The following GABRB1 variants were observed in gnomAD, a reference collection of about 807,000 sequenced individuals.
GABRB1 encodes gamma-aminobutyric acid type A receptor subunit beta1.
Under a neutral mutation model 51.6 loss-of-function variants are expected in GABRB1, and 17 were observed. The ratio of observed to expected loss-of-function variants is 0.33; its 90% CI spans 0.23 to 0.49. The LOEUF (loss-of-function observed/expected upper bound fraction) is 0.49, where lower values mean the gene tolerates loss of function less well. GABRB1 is among the 20% of genes least tolerant of loss of function. GABRB1 has a pLI of 0.99. For missense variants in GABRB1, 410 were observed against 600.6 expected, an observed-to-expected ratio of 0.68 and a Z score of 3.32; for synonymous variants, 247 against 218.9, an observed-to-expected ratio of 1.13 and a Z score of -1.14.
intron 4 of GABRB1, among the ~76,000 whole-genome samples, chr4:47,313,857 T>C (rs961780682): frequency 3.9e-5 from 6 of 152,082 alleles, no homozygotes; most frequent in African/African-American, 1.4e-4. Context: ...TATTTGTATT[T>C]GTGTATTAGT....
At chr4:47,347,866 G>A (rs1015016107) in intron 5 of GABRB1, among the ~76,000 whole-genome samples, 2 of 152,080 alleles carry the variant, frequency 1.3e-5, no homozygotes, top group African/African-American at 4.8e-5. Context: ...CAGACAACAG[G>A]GTAAAAATGT....
intron 4 of GABRB1, among the ~76,000 whole-genome samples, chr4:47,289,067 T>A (rs1365202687): frequency 6.6e-6 from 1 of 152,166 alleles, no homozygotes; most frequent in Non-Finnish European, 1.5e-5. Flanking sequence ...GTTTGTTTTT[T>A]GCTTCTGAGC....
At chr4:47,079,874 G>A (rs1413403225) in intron 3 of GABRB1, among the ~76,000 whole-genome samples, 1 of 150,082 alleles carries the variant, frequency 6.7e-6, no homozygotes, top group South Asian at 2.1e-4. Context: ...GGGAGGGATA[G>A]CATTAGGAGA....
At chr4:47,104,027 T>C (rs1714839105) in intron 3 of GABRB1, among the ~76,000 whole-genome samples, 1 of 151,884 alleles carries the variant, frequency 6.6e-6, no homozygotes, top group Non-Finnish European at 1.5e-5. Flanking sequence ...CAAGTTCCTG[T>C]CTGGTATCAG....
chr4:47,113,354 C>G (rs1715318400), intron 3 of GABRB1, among the ~76,000 whole-genome samples: 1 of 147,504 alleles, frequency 6.8e-6, no homozygotes, highest in African/African-American at 2.5e-5. Context: ...CCACTGCACT[C>G]CAGCCTGGGT....
At chr4:47,038,032 A>G (rs1270726534) in intron 3 of GABRB1, among the ~76,000 whole-genome samples, 6 of 152,192 alleles carry the variant, frequency 3.9e-5, no homozygotes, top group African/African-American at 9.6e-5. Flanking sequence ...GCTAAATTAC[A>G]TAATTGCTAA....
chr4:47,242,246 A>G (rs915101968), intron 4 of GABRB1, among the ~76,000 whole-genome samples: 6 of 152,296 alleles, frequency 3.9e-5, no homozygotes, highest in Admixed American at 2.0e-4. Flanking sequence ...ATAGTATTCC[A>G]TGGTGTATAT....
At chr4:47,336,258 A>G (rs946068502) in intron 5 of GABRB1, among the ~76,000 whole-genome samples, 3 of 152,264 alleles carry the variant, frequency 2.0e-5, no homozygotes, top group African/African-American at 7.2e-5. Flanking sequence ...ATTTAAACCC[A>G]TGAATCTGAA....
intron 5 of GABRB1, among the ~76,000 whole-genome samples, chr4:47,400,145 T>G (rs1395264821): frequency 6.6e-6 from 1 of 152,220 alleles, no homozygotes; most frequent in Non-Finnish European, 1.5e-5. Context: ...CCACAGATTG[T>G]GGCCTCATCA....
At chr4:47,089,754 A>G (rs1455361749) in intron 3 of GABRB1, among the ~76,000 whole-genome samples, 1 of 152,188 alleles carries the variant, frequency 6.6e-6, no homozygotes, top group Non-Finnish European at 1.5e-5. Flanking sequence ...AAAATAATTA[A>G]TATATATGCC....
chr4:47,038,259 T>C (rs1198138317), intron 3 of GABRB1, among the ~76,000 whole-genome samples: 1 of 152,182 alleles, frequency 6.6e-6, no homozygotes, highest in African/African-American at 2.4e-5. Context: ...ACTGATTGTG[T>C]GCAATCTAGG....
intron 1 of GABRB1, 46 bp from the exon 2 acceptor site, chr4:47,031,868 A>G (rs1317451127): frequency 2.6e-6 from 4 of 1,564,194 alleles, no homozygotes; most frequent in Non-Finnish European, 3.5e-6. Flanking sequence ...ATATGTGCTC[A>G]CAGTTTGTGC....
intron 1 of GABRB1, among the ~76,000 whole-genome samples, chr4:47,009,686 T>C (rs1724533096): frequency 6.6e-6 from 1 of 152,138 alleles, no homozygotes; most frequent in Admixed American, 6.5e-5. Flanking sequence ...TGGAATTTGA[T>C]TGTAGGAGTG....
intron 3 of GABRB1, among the ~76,000 whole-genome samples, chr4:47,063,713 A>G (rs1726936724): frequency 6.6e-6 from 1 of 152,226 alleles, no homozygotes; most frequent in Non-Finnish European, 1.5e-5. Flanking sequence ...GCAGCCATAA[A>G]AAGGAACGAG....
intron 4 of GABRB1, among the ~76,000 whole-genome samples, chr4:47,291,233 C>T (rs1013575035): frequency 1.3e-5 from 2 of 152,140 alleles, no homozygotes; most frequent in Non-Finnish European, 2.9e-5. Context: ...GACGGAAGCC[C>T]CAGGCCTTGG....
intron 4 of GABRB1, among the ~76,000 whole-genome samples, chr4:47,295,936 A>C (rs371612517): frequency 1.2e-4 from 19 of 152,186 alleles, no homozygotes; most frequent in African/African-American, 4.1e-4. Context: ...AAGCCAGAAG[A>C]GAGTGGGGGC....
intron 4 of GABRB1, among the ~76,000 whole-genome samples, chr4:47,307,383 T>A (rs141694493): frequency 1.3e-5 from 2 of 152,102 alleles, no homozygotes; most frequent in East Asian, 3.9e-4. Context: ...CATGTTTTAT[T>A]GTTAGTATGA....
intron 1 of GABRB1, among the ~76,000 whole-genome samples, chr4:47,015,466 A>G (rs1724715531): frequency 6.6e-6 from 1 of 152,226 alleles, no homozygotes; most frequent in Non-Finnish European, 1.5e-5. Context: ...ACAATGAATT[A>G]GTCCAAACAA....
chr4:47,070,621 C>T (rs774412812), intron 3 of GABRB1, among the ~76,000 whole-genome samples: 6 of 152,066 alleles, frequency 3.9e-5, no homozygotes, highest in Non-Finnish European at 5.9e-5. Flanking sequence ...CATGAGCCAC[C>T]GCGCCCGGCC....
Sources: gnomAD v4.1 joint callset for allele counts (sites outside exome capture counted in the v4.1 genomes callset) on GRCh38, gnomAD v4.1.1 for gene constraint, MANE v1.5 for transcripts, NCBI Gene and HGNC (gene_info 2026-07-23, HGNC 2026-07-21) for gene names.